Variants in RHOT1 observed in about 807,000 individuals in gnomAD.
RHOT1 encodes the protein ras homolog family member T1.
A neutral mutation model predicts 95.3 loss-of-function variants in RHOT1; 27 were observed. The ratio of observed to expected loss-of-function variants is 0.28; its 90% CI spans 0.21 to 0.39. The LOEUF is 0.39. Ranked by LOEUF, RHOT1 falls within the 10% of genes least tolerant of loss-of-function variation. RHOT1 has a pLI of 1.00. For synonymous variants in RHOT1, 227 were observed against 263.5 expected (o/e 0.86, Z 1.34); for missense variants, 578 against 786.7 (o/e 0.73, Z 3.17).
At chr17:32,176,242 A>G in intron 6 of RHOT1, 29 bp downstream of exon 6, 1 of 1,544,648 alleles carries the variant, frequency 6.5e-7, no homozygotes, top group Admixed American at 1.7e-5. Context: ...AACTTTTTAT[A>G]ATTAAAAAGT....
chr17:32,164,423 G>C (rs2033859155), intron 1 of RHOT1, among the ~76,000 whole-genome samples: 1 of 151,598 alleles, frequency 6.6e-6, no homozygotes, highest in Admixed American at 6.6e-5. Flanking sequence ...TAGTAGAGAC[G>C]GGGTTTCACC....
At chr17:32,190,028 C>T (rs2036365213) in intron 8 of RHOT1, among the ~76,000 whole-genome samples, 1 of 151,992 alleles carries the variant, frequency 6.6e-6, no homozygotes, top group African/African-American at 2.4e-5. Context: ...TTTTTTATAG[C>T]TTTATTAAGT....
intron 3 of RHOT1, among the ~76,000 whole-genome samples, chr17:32,174,844 A>C (rs895038865): frequency 6.6e-6 from 1 of 152,182 alleles, no homozygotes; most frequent in Admixed American, 6.5e-5. Context: ...CATGCTAGAG[A>C]GGGAATTCTC....
At chr17:32,195,117 A>G (rs1056276187) in intron 11 of RHOT1, among the ~76,000 whole-genome samples, 4 of 146,340 alleles carry the variant, frequency 2.7e-5, no homozygotes, top group Non-Finnish European at 6.0e-5. Flanking sequence ...GAGCCACTGC[A>G]CCCGGCCTTT....
chr17:32,157,232 T>A (rs2033055593), intron 1 of RHOT1, among the ~76,000 whole-genome samples: 1 of 152,244 alleles, frequency 6.6e-6, no homozygotes, highest in Non-Finnish European at 1.5e-5. Flanking sequence ...TCCGCATTCC[T>A]GAGTTTCAAA....
chr17:32,145,953 C>T (rs1306605903), intron 1 of RHOT1, among the ~76,000 whole-genome samples: 1 of 152,144 alleles, frequency 6.6e-6, no homozygotes, highest in Non-Finnish European at 1.5e-5. Flanking sequence ...GAGTTCGGGG[C>T]TGCTGTGGGT....
At chr17:32,145,042 A>G (rs1192190458) in intron 1 of RHOT1, among the ~76,000 whole-genome samples, 4 of 152,094 alleles carry the variant, frequency 2.6e-5, no homozygotes, top group Non-Finnish European at 5.9e-5. Context: ...CATGCCTGTA[A>G]CCCCAACACT....
At chr17:32,198,569 C>T (rs577431141) in intron 11 of RHOT1, among the ~76,000 whole-genome samples, 3 of 152,166 alleles carry the variant, frequency 2.0e-5, no homozygotes, top group African/African-American at 7.2e-5. Context: ...ATTAGCCAGG[C>T]ATGGTAGTGT....
At chr17:32,149,407 TG>T (rs1160907319) in intron 1 of RHOT1, among the ~76,000 whole-genome samples, 1 of 146,850 alleles carries the variant, frequency 6.8e-6, no homozygotes, top group Non-Finnish European at 1.5e-5. Flanking sequence ...AAATATATAG[TG>T]TTTATATCAT....
Position 32,183,017 on chromosome 17 carries a change from T to A in RHOT1, c.438+152T>A, listed in dbSNP as rs569482165. The A allele has an allele frequency of 5.5e-4, 423 of 763,550 alleles. 4 individuals carry two copies. Among genetic ancestry groups the A allele is most frequent in the Non-Finnish European group, 1.5e-4 (74 of 480,396 alleles). 47.3% of individuals were successfully genotyped at this position (763,550 alleles called of 1,614,324 possible). Reference sequence around the variant, plus strand: ...TAAAACAGAGAAGTTGGAGTTGGCCTCTGAACTCTTTCTAGACATTCATGT... The same window carrying A: ...TAAAACAGAGAAGTTGGAGTTGGCCACTGAACTCTTTCTAGACATTCATGT... On this transcript the variant is annotated intron_variant, in intron 7 of 19. Transcript: ENST00000545287.
intron 19 of RHOT1, among the ~76,000 whole-genome samples, chr17:32,219,909 G>A (rs1460093476): frequency 1.3e-5 from 2 of 152,132 alleles, no homozygotes; most frequent in African/African-American, 2.4e-5. Flanking sequence ...GAGTAGGAAG[G>A]TTTGGTGATT....
intron 1 of RHOT1, among the ~76,000 whole-genome samples, chr17:32,160,947 C>G (rs1164469984): frequency 6.6e-6 from 1 of 152,166 alleles, no homozygotes; most frequent in Admixed American, 6.5e-5. Flanking sequence ...ACAGAAGTTT[C>G]CAGTTGGTGA....
chr17:32,197,493 C>T (rs540623588), intron 11 of RHOT1, among the ~76,000 whole-genome samples: 2 of 151,612 alleles, frequency 1.3e-5, no homozygotes, highest in African/African-American at 2.4e-5. Context: ...GGCGTGATCT[C>T]GACTCACTGC....
At chr17:32,166,863 T>C (rs1298895656) in intron 1 of RHOT1, among the ~76,000 whole-genome samples, 2 of 152,246 alleles carry the variant, frequency 1.3e-5, no homozygotes, top group African/African-American at 4.8e-5. Flanking sequence ...AACCAACTTC[T>C]TCCAAACTCC....
At chr17:32,202,049 C>T (rs914767697) in intron 14 of RHOT1, among the ~76,000 whole-genome samples, 2 of 152,092 alleles carry the variant, frequency 1.3e-5, no homozygotes, top group African/African-American at 4.8e-5. Flanking sequence ...GTAGCTGGGA[C>T]TACAGGCATG....
At chr17:32,219,490 C>G (rs1447702522) in intron 19 of RHOT1, among the ~76,000 whole-genome samples, 1 of 152,172 alleles carries the variant, frequency 6.6e-6, no homozygotes, top group African/African-American at 2.4e-5. Context: ...TATGCCCTTG[C>G]ACTAAAGATA....
chr17:32,206,441 C>CTTTTTTTTTTTTTTTTTT (rs34176535), intron 16 of RHOT1, among the ~76,000 whole-genome samples: 3 of 67,008 alleles, frequency 4.5e-5, no homozygotes, highest in South Asian at 4.9e-4. Context: ...TCTATACTTT[C>CTTTTTTTTTTTTTTTTTT]TTTTTTTTTT....
At chr17:32,218,377 C>T (rs2038615655) in intron 19 of RHOT1, among the ~76,000 whole-genome samples, 1 of 151,826 alleles carries the variant, frequency 6.6e-6, no homozygotes, top group Non-Finnish European at 1.5e-5. Flanking sequence ...TGTGATGGCT[C>T]ACACCTGTGG....
At chr17:32,167,202 T>C (rs1219920408) in intron 1 of RHOT1, among the ~76,000 whole-genome samples, 1 of 152,188 alleles carries the variant, frequency 6.6e-6, no homozygotes, top group Non-Finnish European at 1.5e-5. Context: ...GAATCTTTTT[T>C]TTTTTTGAGG....
Sources: gnomAD v4.1 joint callset for allele counts (sites outside exome capture counted in the v4.1 genomes callset) on GRCh38, gnomAD v4.1.1 for gene constraint, MANE v1.5 for transcripts, NCBI Gene and HGNC (gene_info 2026-07-23, HGNC 2026-07-21) for gene names.